ZFHX4: variants seen among roughly 807,000 people sequenced by gnomAD.
ZFHX4 encodes zinc finger homeobox protein 4.
ZFHX4 carries 56 observed loss-of-function variants against 267.6 expected under a neutral mutation model. The ratio of observed to expected loss-of-function variants is 0.21; its 90% confidence interval spans 0.17 to 0.26. ZFHX4 has a LOEUF of 0.26. Among genes scored for constraint, ZFHX4 ranks in the 10% least tolerant of loss-of-function variants. ZFHX4 has a pLI of 1.00. For missense variants in ZFHX4, 4,332 were observed against 4,420.0 expected, an observed-to-expected ratio of 0.98 and a Z score of 0.56; for synonymous variants, 1,778 against 1,665.6, an observed-to-expected ratio of 1.07 and a Z score of -1.64.
chr8:76,744,825 A>ACT (rs1809416545), intron 3 of ZFHX4, among the ~76,000 whole-genome samples: 1 of 152,218 alleles, frequency 6.6e-6, no homozygotes, highest in South Asian at 2.1e-4. Context: ...GGTATGTACC[A>ACT]CTTCAGGCTT....
chr8:76,798,565 C>G (rs1429815277), intron 4 of ZFHX4, among the ~76,000 whole-genome samples: 1 of 152,148 alleles, frequency 6.6e-6, no homozygotes, highest in Non-Finnish European at 1.5e-5. Context: ...AAGAATGATT[C>G]ATCAAGCATG....
rs751518113 is a variant in ZFHX4, at chr8:76,854,963, G to T, written c.8042G>T (p.Arg2681Leu). 5 of 1,613,930 alleles carry T rather than the reference G, an allele frequency of 3.1e-6. No individual in the cohort carries two copies. The East Asian group carries it at 1.1e-4, about 36-fold the overall frequency. ...AQSHKRCPFC[R>L]ALFKAKSALE... ...TCTCATAAACGGTGTCCGTTTTGCC[G>T]AGCCCTGTTTAAAGCAAAGTCGGCC... The change falls in exon 10 of 11, where the codon CGA (arginine) becomes CTA (leucine). Residue 2681 changes from arginine (R) to leucine (L), a missense_variant. Physicochemically the swap from Arg to Leu is moderately radical, Grantham distance 102 (BLOSUM62 -2). Coordinates refer to ENST00000651372, the MANE Select transcript of ZFHX4 (RefSeq NM_024721.5).
chr8:76,798,002 A>G (rs528712836), intron 4 of ZFHX4, among the ~76,000 whole-genome samples: 3 of 152,050 alleles, frequency 2.0e-5, no homozygotes, highest in African/African-American at 7.2e-5. Flanking sequence ...AACCAGTCTT[A>G]TTAATACTAA....
At chr8:76,730,468 A>C (rs1395220970) in intron 3 of ZFHX4, among the ~76,000 whole-genome samples, 1 of 152,184 alleles carries the variant, frequency 6.6e-6, no homozygotes, top group South Asian at 2.1e-4. Context: ...TGGGAAGCTG[A>C]GGCAGGTGGA....
At chr8:76,743,918 A>G (rs1230733894) in intron 3 of ZFHX4, among the ~76,000 whole-genome samples, 2 of 152,190 alleles carry the variant, frequency 1.3e-5, no homozygotes, top group Admixed American at 6.5e-5. Context: ...TATTTTTTGG[A>G]AGAAAGAGTT....
intron 3 of ZFHX4, among the ~76,000 whole-genome samples, chr8:76,772,748 T>C (rs1388392388): frequency 1.3e-5 from 2 of 152,174 alleles, no homozygotes; most frequent in Non-Finnish European, 2.9e-5. Context: ...TGCTATTCAA[T>C]GTACTTCATC....
chr8:76,816,528 T>C (rs1448933654), intron 4 of ZFHX4, among the ~76,000 whole-genome samples: 1 of 152,006 alleles, frequency 6.6e-6, no homozygotes, highest in Non-Finnish European at 1.5e-5. Context: ...TAGCCAGATA[T>C]GGCTCTTGCC....
intron 5 of ZFHX4, among the ~76,000 whole-genome samples, chr8:76,842,291 A>T (rs1391155074): frequency 2.0e-5 from 3 of 152,104 alleles, no homozygotes; most frequent in Admixed American, 1.3e-4. Context: ...CCTGACATCT[A>T]TCCCAGTCTA....
At chr8:76,793,004 C>T (rs553613871) in intron 4 of ZFHX4, among the ~76,000 whole-genome samples, 1 of 152,240 alleles carries the variant, frequency 6.6e-6, no homozygotes, top group Admixed American at 6.5e-5. Context: ...CTGACTCCAG[C>T]CATTACTGAA....
chr8:76,852,913 T>A lies in ZFHX4; in HGVS notation c.5992T>A (p.Ser1998Thr). Residue 1998 changes from serine (S) to threonine (T), a missense_variant, in exon 10 of 11, where the codon TCT becomes ACT. By Grantham distance (58) the Ser-to-Thr change is moderately conservative. Coordinates refer to ENST00000651372, the MANE Select transcript of ZFHX4 (RefSeq NM_024721.5). Reference sequence around the variant, plus strand: ...TGACAAGCTTTATCCAATTTCTCCATCTTCTCCAGAAACGCCGCCCCCGCC... The same window carrying A: ...TGACAAGCTTTATCCAATTTCTCCAACTTCTCCAGAAACGCCGCCCCCGCC... ...AYDKLYPISP[S>T]SPETPPPPPP... 6.2e-7 allele frequency: 1 copy of A among 1,609,746 alleles called. No homozygotes were observed. The highest frequency in any genetic ancestry group is 8.5e-7 in the Non-Finnish European group (1 of 1,177,734).
intron 1 of ZFHX4, among the ~76,000 whole-genome samples, chr8:76,685,987 A>T (rs1255404921): frequency 6.6e-6 from 1 of 152,198 alleles, no homozygotes; most frequent in Non-Finnish European, 1.5e-5. Flanking sequence ...AAAATATGTG[A>T]CTTGACTGGA....
Position 76,855,512 on chromosome 8 carries a change from T to G in ZFHX4, c.8591T>G (p.Phe2864Cys). ...ACCACGGAGGTCTGCGATGACAAAT[T>G]TCTCTTTTCTCTCACAAGCCCATCC... is the stretch of plus-strand genomic sequence containing the variant. ...TPTTEVCDDK[F>C]LFSLTSPSIH... Residue 2864 changes from phenylalanine (F) to cysteine (C), a missense_variant, in exon 10 of 11, where the codon TTT becomes TGT. Transcript: ENST00000651372. The G allele has an allele frequency of 6.2e-7, 1 of 1,613,708 alleles. No individual in the cohort carries two copies. Among genetic ancestry groups the G allele is most frequent in the Non-Finnish European group, 8.5e-7 (1 of 1,179,820 alleles).
In ZFHX4 at chr8:76,766,446, T is replaced by A. The variant is rs1000400925; in HGVS notation, c.3094-11762T>A. Among the ~76,000 whole-genome samples, 13 of 152,246 alleles carry A rather than the reference T, an allele frequency of 8.5e-5. No individual in the cohort carries two copies. The East Asian group carries it at 2.3e-3, about 27-fold the overall frequency. On this transcript the variant is annotated intron_variant, in intron 3 of 10. Coordinates refer to ENST00000651372, the MANE Select transcript of ZFHX4 (RefSeq NM_024721.5). ...ATGACACAAAAGCATGGTTTTAATT[T>A]TTATCTCACATGTAACTTAAATATA...
intron 4 of ZFHX4, among the ~76,000 whole-genome samples, chr8:76,833,077 C>G (rs532247265): frequency 6.6e-6 from 1 of 152,208 alleles, no homozygotes; most frequent in Non-Finnish European, 1.5e-5. Context: ...CATGATGAGC[C>G]TTTCCTGCTC....
intron 3 of ZFHX4, among the ~76,000 whole-genome samples, chr8:76,746,898 C>T (rs16939350): frequency 2.0e-5 from 3 of 152,050 alleles, no homozygotes; most frequent in African/African-American, 7.3e-5. Context: ...GCCGCAAACT[C>T]GACTAATGGA....
At chr8:76,732,470 T>C (rs1809047596) in intron 3 of ZFHX4, among the ~76,000 whole-genome samples, 2 of 151,854 alleles carry the variant, frequency 1.3e-5, no homozygotes, top group African/African-American at 4.8e-5. Flanking sequence ...AGCTACATTA[T>C]TATAATATAT....
chr8:76,766,410 C>T (rs1017675318), intron 3 of ZFHX4, among the ~76,000 whole-genome samples: 7 of 152,220 alleles, frequency 4.6e-5, no homozygotes, highest in East Asian at 3.9e-4. Context: ...ATATTTAAAA[C>T]GATCTGTTCC....
At chr8:76,747,603 C>T (rs889980842) in intron 3 of ZFHX4, among the ~76,000 whole-genome samples, 5 of 152,096 alleles carry the variant, frequency 3.3e-5, no homozygotes, top group African/African-American at 1.2e-4. Context: ...TAGTATTTAG[C>T]GTGGCACTTA....
chr8:76,701,803 T>G (rs1808112907), intron 1 of ZFHX4, among the ~76,000 whole-genome samples: 1 of 152,046 alleles, frequency 6.6e-6, no homozygotes, highest in African/African-American at 2.4e-5. Context: ...TAAAGTGAAT[T>G]TTTTTTACAT....
Sources: allele counts gnomAD v4.1 joint callset (sites outside exome capture counted in the v4.1 genomes callset), GRCh38; gene constraint gnomAD v4.1.1; transcripts MANE v1.5; gene names NCBI Gene and HGNC (gene_info 2026-07-23, HGNC 2026-07-21).